Variants in GRIP2 observed in about 807,000 individuals in gnomAD.
The protein encoded by GRIP2 is glutamate receptor-interacting protein 2.
Under a neutral mutation model 108.3 loss-of-function variants are expected in GRIP2, and 58 were observed. The ratio of observed to expected loss-of-function variants is 0.54; its 90% CI spans 0.43 to 0.67. The LOEUF (loss-of-function observed/expected upper bound fraction) is 0.67. Ranked by LOEUF, GRIP2 falls within the 30% of genes least tolerant of loss-of-function variation. The pLI, the probability that GRIP2 is intolerant of heterozygous loss-of-function variation, is 0.00. For missense variants in GRIP2, 1,278 were observed against 1,430.6 expected (o/e 0.89, Z 1.72); for synonymous variants, 586 against 598.2 (o/e 0.98, Z 0.30).
At chr3:14,495,725 C>T (rs950865049) in intron 22 of GRIP2, among the ~76,000 whole-genome samples, 11 of 152,020 alleles carry the variant, frequency 7.2e-5, no homozygotes, top group Non-Finnish European at 1.3e-4. Flanking sequence ...TATATAATGA[C>T]CTATAGATGG....
At chr3:14,538,178 G>T (rs983487804) in intron 1 of GRIP2, among the ~76,000 whole-genome samples, 2 of 152,178 alleles carry the variant, frequency 1.3e-5, no homozygotes, top group African/African-American at 4.8e-5. Flanking sequence ...ACTCACTGAC[G>T]CACACTGCCA....
At chr3:14,601,322 G>C in the GRIP2 span, among the ~76,000 whole-genome samples, 1 of 152,182 alleles carries the variant, frequency 6.6e-6, no homozygotes, top group African/African-American at 2.4e-5. Context: ...TCAGACGAAA[G>C]TTAGTGGTGG....
At chr3:14,497,345 G>C (rs1446183952) in intron 21 of GRIP2, among the ~76,000 whole-genome samples, 1 of 152,238 alleles carries the variant, frequency 6.6e-6, no homozygotes, top group Non-Finnish European at 1.5e-5. Context: ...ACTGCAGTAA[G>C]TGTTACAGAG....
At chr3:14,496,289 C>G (rs1173186050) in intron 22 of GRIP2, 128 bp downstream of exon 22, 11 of 734,292 alleles carry the variant, frequency 1.5e-5, no homozygotes, top group Non-Finnish European at 2.1e-5. Context: ...TTTTGGAAAA[C>G]TCAACCCAGT....
chr3:14,509,136 C>A (rs532948546), intron 17 of GRIP2, among the ~76,000 whole-genome samples: 1 of 152,320 alleles, frequency 6.6e-6, no homozygotes, highest in South Asian at 2.1e-4. Flanking sequence ...CTCTCCCCAC[C>A]CGCCCAGCCA....
chr3:14,503,109 G>A lies in GRIP2; in HGVS notation c.2679+457C>T, dbSNP rs569707055. Among the ~76,000 whole-genome samples the A allele has an allele frequency of 2.4e-4, 37 of 152,238 alleles. No homozygotes were observed. The Middle Eastern group carries it at 0.01, about 42-fold the overall frequency. The stretch of plus-strand genomic sequence containing the variant: ...CCCACAGCCCCTTATCTCCTGTGTC[G>A]TCACTGATGTCAACACTCACGCTTC... On this transcript the variant is annotated intron_variant, in intron 21 of 23. Coordinates refer to ENST00000621039, the MANE Select transcript of GRIP2 (RefSeq NM_001080423.4).
chr3:14,527,695 A>C (rs1011694504), intron 1 of GRIP2, among the ~76,000 whole-genome samples: 2 of 124,940 alleles, frequency 1.6e-5, no homozygotes, highest in Non-Finnish European at 3.7e-5. Flanking sequence ...TTCGAGACCA[A>C]TCTGGCCAAC....
intron 1 of GRIP2, among the ~76,000 whole-genome samples, chr3:14,539,917 C>G (rs1426908219): frequency 6.6e-6 from 1 of 152,200 alleles, no homozygotes; most frequent in African/African-American, 2.4e-5. Flanking sequence ...TCACTCCCAC[C>G]AGGCAGCTGT....
chr3:14,546,016 G>A (rs974622849), upstream of GRIP2, among the ~76,000 whole-genome samples: 3 of 152,334 alleles, frequency 2.0e-5, no homozygotes, highest in East Asian at 5.8e-4. Context: ...ACACAGTCAC[G>A]ATGTTGGCAC....
intron 1 of GRIP2, among the ~76,000 whole-genome samples, chr3:14,536,753 G>A (rs187530236): frequency 3.0e-4 from 46 of 152,310 alleles, no homozygotes; most frequent in Admixed American, 2.6e-4. Flanking sequence ...GTCAAGGAAC[G>A]TGACCTCAAA....
In GRIP2 at chr3:14,522,915, G is replaced by A; in HGVS notation, c.566+85C>T. 9.2e-7 allele frequency: 1 copy of A among 1,089,180 alleles called. No individual in the cohort carries two copies. The highest frequency in any genetic ancestry group is 1.4e-6 in the Non-Finnish European group (1 of 703,112). The allele number at this position is 1,089,180 out of a possible 1,614,324, so 67.5% of individuals were successfully genotyped here. On this transcript the variant is annotated intron_variant, in intron 6 of 23. Coordinates refer to ENST00000621039, the MANE Select transcript of GRIP2 (RefSeq NM_001080423.4). This position sits in a 1 kb window ranked among gnomAD's most constrained non-coding sequence, Gnocchi z 4.3. The stretch of plus-strand genomic sequence containing the variant: ...GCCTCGATCTCTTCATCTGGGGAAG[G>A]GGCATGGTGACCCCACTCCACCTTC...
At chr3:14,536,802 C>A (rs1287589446) in intron 1 of GRIP2, among the ~76,000 whole-genome samples, 1 of 152,226 alleles carries the variant, frequency 6.6e-6, no homozygotes, top group Non-Finnish European at 1.5e-5. Flanking sequence ...TTCCCAATGG[C>A]GGCTGCCTGC....
the GRIP2 span, among the ~76,000 whole-genome samples, chr3:14,593,499 A>G: frequency 2.6e-5 from 4 of 152,224 alleles, no homozygotes; most frequent in Non-Finnish European, 5.9e-5. Flanking sequence ...AAGGCATCAC[A>G]CAAACGAGTG....
In GRIP2 at chr3:14,521,760, C is replaced by A; in HGVS notation, c.594G>T (p.Arg198Ser). The A allele has an allele frequency of 6.2e-7, 1 of 1,605,968 alleles. No homozygotes were observed. The change falls in exon 7 of 24, where the codon AGG becomes AGT. Residue 198 changes from arginine (R) to serine (S), a missense_variant. Arg to Ser is a moderately radical substitution (Grantham distance 110, BLOSUM62 -1). Coordinates refer to ENST00000621039, the MANE Select transcript of GRIP2 (RefSeq NM_001080423.4). The surrounding 1 kb of genome is among the most constrained non-coding windows in gnomAD (Gnocchi z 5.1). ...DREGSLKVGD[R>S]LLSVDGIPLH... Reference sequence around the variant, plus strand: ...GCGGGATTCCATCGACACTGAGCAGCCTGTCGCCCACCTTCAGGGAGCCCT... The same window carrying A: ...GCGGGATTCCATCGACACTGAGCAGACTGTCGCCCACCTTCAGGGAGCCCT...
At chr3:14,510,710 C>T (rs1208586052) in intron 16 of GRIP2, among the ~76,000 whole-genome samples, 1 of 152,180 alleles carries the variant, frequency 6.6e-6, no homozygotes. Context: ...CTCACCCGTC[C>T]CTTTTGCCTC....
chr3:14,511,419 G>T lies in GRIP2; in HGVS notation c.1781C>A (p.Ala594Glu), dbSNP rs1385104214. The T allele has an allele frequency of 2.5e-6, 4 of 1,613,858 alleles. No individual in the cohort carries two copies. In the African/African-American group the frequency reaches 5.3e-5, roughly 22 times the overall value. Residue 594 changes from alanine (A) to glutamate (E), a missense_variant, in exon 15 of 24, where the codon GCA becomes GAA. Physicochemically the swap from Ala to Glu is moderately radical, Grantham distance 107. Coordinates refer to ENST00000621039, the MANE Select transcript of GRIP2 (RefSeq NM_001080423.4). The surrounding 1 kb of genome is among the most constrained non-coding windows in gnomAD (Gnocchi z 4.1). ...IISDIKKGSV[A>E]HRTGTLEPGD... ...TGTGCCCCAGTGCCCCTACCTGTGT[G>T]CCACGCTGCCTTTCTTGATGTCGGA...
chr3:14,549,493 G>A (rs1390175014), intron 1 of GRIP2, among the ~76,000 whole-genome samples: 2 of 152,124 alleles, frequency 1.3e-5, no homozygotes, highest in Non-Finnish European at 2.9e-5. Flanking sequence ...ACACGGTGGT[G>A]GCCATTCACC....
At chr3:14,567,191 G>A in the GRIP2 span, among the ~76,000 whole-genome samples, 1 of 152,180 alleles carries the variant, frequency 6.6e-6, no homozygotes, top group Admixed American at 6.5e-5. Context: ...TCACTCAGCA[G>A]TGAGGGCAAG....
chr3:14,592,129 A>AT, the GRIP2 span, among the ~76,000 whole-genome samples: 1 of 152,254 alleles, frequency 6.6e-6, no homozygotes, highest in South Asian at 2.1e-4. Context: ...GCAGCTCCAC[A>AT]TAGAGGGGCA....
Sources: gnomAD v4.1 joint callset for allele counts (sites outside exome capture counted in the v4.1 genomes callset) on GRCh38, gnomAD v4.1.1 for gene constraint, Gnocchi (gnomAD v3.1) non-coding constraint, MANE v1.5 for transcripts, NCBI Gene and HGNC (gene_info 2026-07-23, HGNC 2026-07-21) for gene names.